The following CD36 variants were observed in gnomAD, a reference collection of about 807,000 sequenced individuals.
CD36 encodes the protein CD36 molecule (CD36 blood group), also known as platelet glycoprotein 4.
In CD36, 119 loss-of-function variants were observed where a neutral mutation model predicts 55.2. The ratio of observed to expected loss-of-function variants is 2.15; its 90% CI spans 1.86 to 2.51. The LOEUF is 2.51. Among genes scored for constraint, CD36 ranks in the 30% most tolerant of loss-of-function variants. The pLI, the probability that CD36 is intolerant of heterozygous loss-of-function variation, is 0.00. For synonymous variants in CD36, 186 were observed against 193.6 expected (o/e 0.96, Z 0.33); for missense variants, 819 against 555.5 (o/e 1.47, Z -4.77).
In CD36 at chr7:80,678,081, A is replaced by ATGTGTGTG. The variant is rs4019437; in HGVS notation, c.*1723_*1730dup. The ATGTGTGTG allele has an allele frequency of 7.4e-5, 11 of 149,568 alleles. No homozygotes were observed. The highest frequency in any genetic ancestry group is 1.2e-4 in the Non-Finnish European group (8 of 67,348). The allele number at this position is 149,568 out of a possible 1,614,324, so 9.3% of individuals were successfully genotyped here. A position where few individuals can be genotyped will look rare whatever the true frequency, so the allele number is the denominator to read the frequency against. On this transcript the variant is annotated 3_prime_UTR_variant, in exon 15 of 15. Transcript: ENST00000447544. Reference sequence around the variant, plus strand: ...TTTTTACATGAAATCTGGGCTTTGGATGTGTGTGTGTGTGTGTGTGTGTGT... The same window carrying ATGTGTGTG: ...TTTTTACATGAAATCTGGGCTTTGGATGTGTGTGTGTGTGTGTGTGTGTGTGTGTGTGT...
chr7:80,607,387 G>A (rs748695343), intron 1 of CD36, among the ~76,000 whole-genome samples: 1 of 152,118 alleles, frequency 6.6e-6, no homozygotes, highest in Non-Finnish European at 1.5e-5. Flanking sequence ...CAGCTGCTCT[G>A]CCAAAGTTTA....
upstream of CD36, among the ~76,000 whole-genome samples, chr7:80,635,378 G>A (rs576033152): frequency 3.3e-5 from 5 of 152,060 alleles, no homozygotes; most frequent in South Asian, 2.1e-4. Flanking sequence ...AGGTTCAAGC[G>A]ATTTTCCTGT....
intron 1 of CD36, among the ~76,000 whole-genome samples, chr7:80,604,123 A>C (rs184988978): frequency 1.9e-4 from 29 of 152,094 alleles, no homozygotes; most frequent in South Asian, 1.2e-3. Context: ...GAGCAAGAGG[A>C]GGTACTAGAG....
At chr7:80,661,677 C>T (rs965652431) in intron 5 of CD36, among the ~76,000 whole-genome samples, 1 of 151,746 alleles carries the variant, frequency 6.6e-6, no homozygotes, top group African/African-American at 2.4e-5. Context: ...TAACCTTTAA[C>T]CAAACAAAAA....
chr7:80,668,233 G>T (rs939396435), intron 8 of CD36, among the ~76,000 whole-genome samples: 1 of 152,088 alleles, frequency 6.6e-6, no homozygotes, highest in Admixed American at 6.6e-5. Context: ...TCTTTAAGGA[G>T]AAAAATCTTT....
chr7:80,635,199 C>A (rs534419744), upstream of CD36, among the ~76,000 whole-genome samples: 1 of 152,206 alleles, frequency 6.6e-6, no homozygotes, highest in African/African-American at 2.4e-5. Flanking sequence ...TTCAATATTG[C>A]TTTCTCTCCA....
chr7:80,605,553 G>A (rs1293665654), intron 1 of CD36, among the ~76,000 whole-genome samples: 1 of 152,140 alleles, frequency 6.6e-6, no homozygotes, highest in Non-Finnish European at 1.5e-5. Context: ...GGAAGATACT[G>A]TCAGAGTTGT....
intron 6 of CD36, among the ~76,000 whole-genome samples, chr7:80,664,058 A>T (rs1584430560): frequency 6.6e-6 from 1 of 152,224 alleles, no homozygotes; most frequent in Non-Finnish European, 1.5e-5. Flanking sequence ...TGACTGTAAC[A>T]TTTAGAATAC....
At chr7:80,635,276 G>GTTT (rs1554335095), upstream of CD36, among the ~76,000 whole-genome samples, 4 of 151,828 alleles carry the variant, frequency 2.6e-5, no homozygotes, top group African/African-American at 4.8e-5. Flanking sequence ...ATTATTTGTT[G>GTTT]TTGTTTTTGT....
intron 1 of CD36, among the ~76,000 whole-genome samples, chr7:80,616,615 A>G (rs1793175170): frequency 6.6e-6 from 1 of 152,180 alleles, no homozygotes; most frequent in African/African-American, 2.4e-5. Flanking sequence ...AGTTGTTATC[A>G]GTTGGGATGA....
At chr7:80,617,752 G>A (rs1207892398) in intron 1 of CD36, among the ~76,000 whole-genome samples, 1 of 150,012 alleles carries the variant, frequency 6.7e-6, no homozygotes, top group Admixed American at 6.6e-5. Context: ...AAAAATTGTT[G>A]TGAGAAAAAC....
chr7:80,613,758 T>A lies in CD36; in HGVS notation c.-184+11379T>A, dbSNP rs375123378. Among the ~76,000 whole-genome samples the A allele has an allele frequency of 5.9e-5, 9 of 152,252 alleles. 1 individual carries two copies. The East Asian group carries it at 1.7e-3, about 29-fold the overall frequency. ...TTCTTAAATTTGAATAGTTCAAAAGTCAAATTAGAGTAGGATCCTGATAAC... is the reference window on the plus strand; with the variant it reads ...TTCTTAAATTTGAATAGTTCAAAAGACAAATTAGAGTAGGATCCTGATAAC... On this transcript the variant is annotated intron_variant, in intron 1 of 13. Coordinates refer to the CD36 transcript ENST00000309881.
At chr7:80,621,464 A>T (rs1793467347) in intron 1 of CD36, among the ~76,000 whole-genome samples, 1 of 152,204 alleles carries the variant, frequency 6.6e-6, no homozygotes, top group South Asian at 2.1e-4. Context: ...ACATGGAAGC[A>T]TTTAACATGA....
At chr7:80,673,499 A>AT in intron 13 of CD36, 90 bp downstream of exon 13, 1 of 813,438 alleles carries the variant, frequency 1.2e-6, no homozygotes, top group Non-Finnish European at 2.2e-6. Context: ...TAGTATTTAA[A>AT]GCTATATGTA....
rs1798201563 is a variant in CD36 at position 80,677,597 on chromosome 7, T to TAAA, written c.*1216_*1218dup. The TAAA allele has an allele frequency of 6.6e-6, 1 of 152,176 alleles. No individual in the cohort carries two copies. Among genetic ancestry groups the TAAA allele is most frequent in the Admixed American group, 6.5e-5 (1 of 15,282 alleles). The allele number at this position is 152,176 out of a possible 1,614,324, so 9.4% of individuals were successfully genotyped here. A position where few individuals can be genotyped will look rare whatever the true frequency, so the allele number is the denominator to read the frequency against. On this transcript the variant is annotated 3_prime_UTR_variant, in exon 15 of 15. Coordinates refer to ENST00000447544, the MANE Select transcript of CD36 (RefSeq NM_001001548.3). ...GTGCCTTTCCTTTTAACTGGGAAGA[T>TAAA]AAAAGAAGTATCTGTCCAAGATATT...
chr7:80,658,996 G>A (rs1796314451), intron 4 of CD36, among the ~76,000 whole-genome samples: 1 of 152,082 alleles, frequency 6.6e-6, no homozygotes, highest in Admixed American at 6.6e-5. Context: ...AAGAACAGTT[G>A]CATTTACAGC....
intron 1 of CD36, among the ~76,000 whole-genome samples, chr7:80,613,903 T>TGCA (rs1164927218): frequency 6.6e-6 from 1 of 152,166 alleles, no homozygotes; most frequent in African/African-American, 2.4e-5. Context: ...CAGAACCAAA[T>TGCA]GCATATAATT....
rs1469385997 is a variant in CD36 at position 80,614,540 on chromosome 7, C to A, written c.-184+12161C>A. ...AGAATAAAAATGAAATTATCAATGTCTCTTGTACATTAGTCTGTGATTTTT... is the reference window on the plus strand; with the variant it reads ...AGAATAAAAATGAAATTATCAATGTATCTTGTACATTAGTCTGTGATTTTT... On this transcript the variant is annotated intron_variant, in intron 1 of 13. Transcript: ENST00000309881. Among the ~76,000 whole-genome samples, 4 of 152,140 alleles carry A rather than the reference C, an allele frequency of 2.6e-5. No individual in the cohort carries two copies. The East Asian group carries it at 7.7e-4, about 29-fold the overall frequency.
chr7:80,651,849 C>A (rs1795648293), intron 3 of CD36, among the ~76,000 whole-genome samples: 1 of 152,134 alleles, frequency 6.6e-6, no homozygotes, highest in Non-Finnish European at 1.5e-5. Flanking sequence ...GTTGAGGCTG[C>A]AGTGAGCTAA....
Sources: allele counts gnomAD v4.1 joint callset (sites outside exome capture counted in the v4.1 genomes callset), GRCh38; gene constraint gnomAD v4.1.1; transcripts MANE v1.5; gene names NCBI Gene and HGNC (gene_info 2026-07-23, HGNC 2026-07-21).